The following USP15 variants were observed in gnomAD, a reference collection of about 807,000 sequenced individuals.
USP15 encodes ubiquitin specific peptidase 15.
A neutral mutation model predicts 127.1 loss-of-function variants in USP15; 18 were observed. The ratio of observed to expected loss-of-function variants is 0.14; its 90% CI spans 0.10 to 0.21. The LOEUF is 0.21. Among genes scored for constraint, USP15 ranks in the 10% least tolerant of loss-of-function variants. USP15 has a pLI of 1.00. For synonymous variants in USP15, 364 were observed against 393.7 expected (o/e 0.92, Z 0.89); for missense variants, 805 against 1,159.9 (o/e 0.69, Z 4.44).
intron 11 of USP15, 62 bp downstream of exon 11, chr12:62,384,364 T>G: frequency 7.9e-7 from 1 of 1,264,548 alleles, no homozygotes; most frequent in South Asian, 1.5e-5. Flanking sequence ...TTATTTTTAT[T>G]AAAAAATTAG....
At chr12:62,303,085 T>A (rs2064364472) in intron 3 of USP15, 165 bp downstream of exon 3, 10 of 694,456 alleles carry the variant, frequency 1.4e-5, no homozygotes, top group Non-Finnish European at 2.3e-5. Context: ...GTTAAGAAGG[T>A]TTACTTATGC....
At chr12:62,397,190 T>C (rs890757855) in intron 20 of USP15, among the ~76,000 whole-genome samples, 3 of 152,242 alleles carry the variant, frequency 2.0e-5, no homozygotes, top group Non-Finnish European at 4.4e-5. Context: ...ATAAGTGAAA[T>C]GGTTTTGTAA....
At chr12:62,280,621 C>T (rs1199990153) in intron 1 of USP15, among the ~76,000 whole-genome samples, 1 of 152,154 alleles carries the variant, frequency 6.6e-6, no homozygotes, top group African/African-American at 2.4e-5. Flanking sequence ...ATGATCTAAT[C>T]ACCTCCTAAT....
intron 1 of USP15, 51 bp downstream of exon 1, chr12:62,260,554 G>A (rs2063012227): frequency 6.6e-7 from 1 of 1,506,044 alleles, no homozygotes; most frequent in Non-Finnish European, 9.0e-7. Flanking sequence ...TAGTGGAGAA[G>A]TGGGCGGGAG....
intron 1 of USP15, among the ~76,000 whole-genome samples, chr12:62,269,354 A>ATG (rs1216331275): frequency 9.9e-5 from 15 of 151,874 alleles, no homozygotes; most frequent in East Asian, 3.9e-4. Flanking sequence ...ATAAATATAT[A>ATG]TATGTGTGTG....
chr12:62,414,889 T>C lies in USP15; in HGVS notation c.*10514T>C, dbSNP rs1022721967. ...TCTAATTCCTTGTATTAATCAGGAT[T>C]CTCCAGAGAAACAAGACCAATAGGA... On this transcript the variant is annotated 3_prime_UTR_variant, in exon 22 of 22. Transcript: ENST00000280377. 4 of 149,722 alleles carry C rather than the reference T, an allele frequency of 2.7e-5. No homozygotes were observed. The highest frequency in any genetic ancestry group is 2.7e-4 in the Admixed American group (4 of 15,054). The allele number at this position is 149,722 out of a possible 1,614,324, so 9.3% of individuals were successfully genotyped here.
At chr12:62,337,145 A>C (rs2065492239) in intron 6 of USP15, among the ~76,000 whole-genome samples, 2 of 152,186 alleles carry the variant, frequency 1.3e-5, no homozygotes, top group South Asian at 4.1e-4. Flanking sequence ...GTCAGAGTCA[A>C]GTTTTCCAAG....
At chr12:62,292,288 A>G (rs541034750) in intron 1 of USP15, among the ~76,000 whole-genome samples, 15 of 152,200 alleles carry the variant, frequency 9.9e-5, no homozygotes, top group East Asian at 3.8e-4. Context: ...CCAAGCTGCA[A>G]TGTAGCCTAG....
rs140790393 is a variant in USP15, at chr12:62,334,709, T to C, written c.683+8776T>C. ...TTTATGATGTTAGGTTGTATGAAGT[T>C]ACGTTGTTTTACAATGTTGGGTTTG... On this transcript the variant is annotated intron_variant, in intron 6 of 21. Coordinates refer to ENST00000280377, the MANE Select transcript of USP15 (RefSeq NM_001252078.2). 3.1e-3 allele frequency among the ~76,000 whole-genome samples: 472 copies of C among 152,314 alleles called. 1 individual carries two copies. The highest frequency in any genetic ancestry group is 9.9e-3 in the African/African-American group (410 of 41,582).
At position 62,338,474 on chromosome 12, in the gene USP15, A is replaced by G. The variant is rs1324572587; in HGVS notation, c.684-10747A>G. Among the ~76,000 whole-genome samples, 7 of 152,034 alleles carry G rather than the reference A, an allele frequency of 4.6e-5. No homozygotes were observed. The East Asian group carries it at 5.8e-4, about 13-fold the overall frequency. On this transcript the variant is annotated intron_variant, in intron 6 of 21. Coordinates refer to ENST00000280377, the MANE Select transcript of USP15 (RefSeq NM_001252078.2). ...TTCTTTTCCTGTGTAGAAGCTCTTT[A>G]GTTTGATTAGATCCCATTTGTCAAT...
intron 8 of USP15, among the ~76,000 whole-genome samples, chr12:62,380,750 T>G (rs1004781854): frequency 6.6e-6 from 1 of 152,104 alleles, no homozygotes; most frequent in African/African-American, 2.4e-5. Context: ...CACCTTAAAA[T>G]TATTCCAACT....
At chr12:62,355,052 A>C (rs2066076867) in intron 7 of USP15, 1 of 214,654 alleles carries the variant, frequency 4.7e-6, no homozygotes, top group Non-Finnish European at 9.1e-6. Context: ...AGCAAACTGT[A>C]AAGCTGCTCT....
At chr12:62,302,012 C>G (rs2064336160) in intron 2 of USP15, among the ~76,000 whole-genome samples, 1 of 152,148 alleles carries the variant, frequency 6.6e-6, no homozygotes, top group Non-Finnish European at 1.5e-5. Flanking sequence ...GATCTGTGGC[C>G]TGTCTTATAC....
rs142015975 is a variant in USP15, at chr12:62,263,971, G to T, written c.89+3468G>T. 1.9e-4 allele frequency among the ~76,000 whole-genome samples: 29 copies of T among 152,176 alleles called. 1 individual carries two copies. The highest frequency in any genetic ancestry group is 5.3e-4 in the African/African-American group (22 of 41,512). On this transcript the variant is annotated intron_variant, in intron 1 of 21. Transcript: ENST00000280377. ...GTTAATGAGTTACAAAGAAAATTAT[G>T]GGTTATAAAATACTCTCTTTGGAAA... is the stretch of plus-strand genomic sequence containing the variant.
chr12:62,313,972 A>G (rs1458082416), intron 3 of USP15: 2 of 773,226 alleles, frequency 2.6e-6, no homozygotes, highest in African/African-American at 1.9e-5. Flanking sequence ...ATCACATATC[A>G]GGCCTATTAC....
intron 1 of USP15, among the ~76,000 whole-genome samples, chr12:62,276,629 A>G (rs2063498243): frequency 6.6e-6 from 1 of 152,084 alleles, no homozygotes; most frequent in Non-Finnish European, 1.5e-5. Flanking sequence ...TCTAGTTACC[A>G]AAAGGAAGTA....
At chr12:62,327,211 G>A (rs11836268) in intron 6 of USP15, among the ~76,000 whole-genome samples, 33,972 of 149,706 alleles carry the variant, frequency 0.23, 4,113 homozygotes, top group African/African-American at 0.34. Flanking sequence ...TTTATCTTAC[G>A]TGAAATTTTT....
intron 1 of USP15, among the ~76,000 whole-genome samples, chr12:62,276,805 C>A (rs2063503579): frequency 6.6e-6 from 1 of 151,818 alleles, no homozygotes; most frequent in East Asian, 1.9e-4. Context: ...AGAAAAAGTA[C>A]AACTATAAAA....
In USP15 at chr12:62,410,637, A is replaced by G. The variant is rs905345511; in HGVS notation, c.*6262A>G. The G allele has an allele frequency of 4.6e-5, 7 of 152,130 alleles. No individual in the cohort carries two copies. Among genetic ancestry groups the G allele is most frequent in the African/African-American group, 1.4e-4 (6 of 41,446 alleles). The allele number at this position is 152,130 out of a possible 1,614,324, so 9.4% of individuals were successfully genotyped here. A position where few individuals can be genotyped will look rare whatever the true frequency, so the allele number is the denominator to read the frequency against. On this transcript the variant is annotated 3_prime_UTR_variant, in exon 22 of 22. Coordinates refer to ENST00000280377, the MANE Select transcript of USP15 (RefSeq NM_001252078.2). ...TAGGAAACATTCTACACTTACAACA[A>G]CTTCCACCATAGCTAGCTCCAAACA...
Sources: allele counts gnomAD v4.1 joint callset (sites outside exome capture counted in the v4.1 genomes callset), GRCh38; gene constraint gnomAD v4.1.1; transcripts MANE v1.5; gene names NCBI Gene and HGNC (gene_info 2026-07-23, HGNC 2026-07-21).